MYO16: variants seen among roughly 807,000 people sequenced by gnomAD.
MYO16 encodes the protein unconventional myosin-XVI.
MYO16 carries 94 observed loss-of-function variants against 205.3 expected under a neutral mutation model. The ratio of observed to expected loss-of-function variants is 0.46; its 90% confidence interval spans 0.39 to 0.54. The LOEUF is 0.54. Among genes scored for constraint, MYO16 ranks in the 20% least tolerant of loss-of-function variants. The probability of loss-of-function intolerance (pLI) is 0.00; values close to 1 mark genes in which losing one functional copy is unlikely to be tolerated. For missense variants in MYO16, 2,315 were observed against 2,387.5 expected, an observed-to-expected ratio of 0.97 and a Z score of 0.63; for synonymous variants, 988 against 954.0, an observed-to-expected ratio of 1.04 and a Z score of -0.66.
chr13:108,501,056 G>A, the MYO16 span, among the ~76,000 whole-genome samples: 1 of 152,114 alleles, frequency 6.6e-6, no homozygotes, highest in Non-Finnish European at 1.5e-5. Flanking sequence ...TGTTCAGCTG[G>A]AATCAAATCC....
intron 16 of MYO16, among the ~76,000 whole-genome samples, chr13:108,927,759 C>T (rs557583323): frequency 1.3e-5 from 2 of 152,170 alleles, no homozygotes; most frequent in African/African-American, 2.4e-5. Flanking sequence ...TCAACTAACC[C>T]GAGCCATCAT....
At chr13:108,644,114 T>A (rs1261824215) in intron 1 of MYO16, among the ~76,000 whole-genome samples, 2 of 152,200 alleles carry the variant, frequency 1.3e-5, no homozygotes, top group Non-Finnish European at 2.9e-5. Context: ...ACCTGGCTCT[T>A]GAGTTTCGGA....
intron 9 of MYO16, among the ~76,000 whole-genome samples, chr13:108,832,300 G>A (rs1876665594): frequency 6.6e-6 from 1 of 151,764 alleles, no homozygotes; most frequent in Non-Finnish European, 1.5e-5. Flanking sequence ...GCACCACCGT[G>A]CCCAGCTAAT....
At chr13:109,182,966 T>C (rs2391723) in intron 34 of MYO16, among the ~76,000 whole-genome samples, 76,185 of 152,028 alleles carry the variant, frequency 0.5, 20,044 homozygotes, top group African/African-American at 0.64. Context: ...TGAATAAAAC[T>C]GGCTGTGAGA....
the MYO16 span, among the ~76,000 whole-genome samples, chr13:108,537,973 T>C: frequency 6.6e-5 from 10 of 152,088 alleles, no homozygotes; most frequent in Non-Finnish European, 1.3e-4. Context: ...TGTCTGTTCA[T>C]TCTGTTGCTT....
chr13:109,131,634 A>G (rs187433947), intron 31 of MYO16, among the ~76,000 whole-genome samples: 113 of 152,320 alleles, frequency 7.4e-4, no homozygotes, highest in Non-Finnish European at 1.4e-3. Flanking sequence ...TAAAAGTACT[A>G]TGTTTTTGTT....
In MYO16 at chr13:108,825,471, G is replaced by C. The variant is rs113295746; in HGVS notation, c.1097+2193G>C. ...AAACAGGGCTAACGTCATACTCAAT[G>C]GTGACTGATCAGTTACCCCATAAGA... On this transcript the variant is annotated intron_variant, in intron 9 of 34. Coordinates refer to ENST00000457511, the MANE Select transcript of MYO16 (RefSeq NM_001198950.3). Among the ~76,000 whole-genome samples the C allele has an allele frequency of 3.8e-3, 571 of 151,988 alleles. 3 individuals carry two copies. Among genetic ancestry groups the C allele is most frequent in the South Asian group, 0.023 (113 of 4,822 alleles).
chr13:109,098,897 A>AT (rs1888864534), intron 27 of MYO16, among the ~76,000 whole-genome samples: 1 of 152,240 alleles, frequency 6.6e-6, no homozygotes, highest in South Asian at 2.1e-4. Context: ...TTGAAACTAC[A>AT]TTTTTTTAAT....
Position 108,666,045 on chromosome 13 carries a change from A to G in MYO16, c.188A>G (p.Gln63Arg), listed in dbSNP as rs199520622. 1.3e-4 allele frequency: 206 copies of G among 1,614,194 alleles called. No homozygotes were observed. Among genetic ancestry groups the G allele is most frequent in the Non-Finnish European group, 1.7e-4 (198 of 1,180,014 alleles). ...YYEREKAFQK[Q>R]EGFLKRLKHA... ...GAGCGCGAGAAGGCTTTTCAGAAGC[A>G]GGAAGGGTTCCTGAAAAGGCTGAAG... Residue 63 changes from glutamine (Q) to arginine (R), a missense_variant, in exon 2 of 35, where the codon CAG becomes CGG. Gln to Arg is a conservative substitution (Grantham distance 43, BLOSUM62 1). This residue lies in a region of MYO16 where 1,213 missense variants were observed against 1,274.4 expected (regional missense o/e 0.95). Coordinates refer to ENST00000457511, the MANE Select transcript of MYO16 (RefSeq NM_001198950.3).
At chr13:109,202,892 C>T (rs1880451240) in intron 34 of MYO16, among the ~76,000 whole-genome samples, 1 of 152,060 alleles carries the variant, frequency 6.6e-6, no homozygotes, top group Admixed American at 6.6e-5. Flanking sequence ...GAAATACACC[C>T]AAATACTTAC....
intron 27 of MYO16, among the ~76,000 whole-genome samples, chr13:109,100,313 G>A (rs1888921187): frequency 6.6e-6 from 1 of 152,172 alleles, no homozygotes; most frequent in South Asian, 2.1e-4. Context: ...TGGGGAAGAA[G>A]CGATTCTACC....
At chr13:108,755,737 A>G (rs1206548209) in intron 4 of MYO16, among the ~76,000 whole-genome samples, 1 of 152,174 alleles carries the variant, frequency 6.6e-6, no homozygotes, top group Admixed American at 6.6e-5. Context: ...TATGATTGCC[A>G]ACATATTTTT....
At chr13:108,530,298 G>A in the MYO16 span, among the ~76,000 whole-genome samples, 39 of 152,332 alleles carry the variant, frequency 2.6e-4, no homozygotes, top group Non-Finnish European at 3.1e-4. Flanking sequence ...AGGAGATGTA[G>A]CATTAAGGAT....
chr13:108,879,915 T>G (rs1231728396), intron 12 of MYO16, among the ~76,000 whole-genome samples: 4 of 152,258 alleles, frequency 2.6e-5, no homozygotes, highest in African/African-American at 9.6e-5. Context: ...TTTCTAGTTC[T>G]AGATCCTTGT....
In MYO16 at chr13:108,791,826, G is replaced by A. The variant is rs75952320; in HGVS notation, c.617-1690G>A. On this transcript the variant is annotated intron_variant, in intron 5 of 34. Transcript: ENST00000457511. ...AGCCCACACAGTTTAAATAACTTTC[G>A]CAGAGTCAACCTGAGGAAGGAAACT... is the stretch of plus-strand genomic sequence containing the variant. Among the ~76,000 whole-genome samples, 366 of 152,306 alleles carry A rather than the reference G, an allele frequency of 2.4e-3. 2 individuals carry two copies. The highest frequency in any genetic ancestry group is 7.9e-3 in the African/African-American group (328 of 41,562).
chr13:108,997,389 A>G lies in MYO16; in HGVS notation c.2442+4941A>G, dbSNP rs277809. ...GAGAGAGAGAGAGAGAGAGAGAGAG[A>G]GGGAGGGAGGGAGAGTGGGAGGAAA... On this transcript the variant is annotated intron_variant, in intron 21 of 34. Transcript: ENST00000457511. Among the ~76,000 whole-genome samples, 43 of 69,050 alleles carry G rather than the reference A, an allele frequency of 6.2e-4. 1 individual carries two copies. The highest frequency in any genetic ancestry group is 6.9e-4 in the African/African-American group (12 of 17,320). 45.3% of individuals were successfully genotyped at this position (69,050 alleles called of 152,430 possible). A position where few individuals can be genotyped will look rare whatever the true frequency, so the allele number is the denominator to read the frequency against.
At chr13:109,023,903 A>G (rs1190843038) in intron 23 of MYO16, among the ~76,000 whole-genome samples, 10 of 139,282 alleles carry the variant, frequency 7.2e-5, no homozygotes, top group African/African-American at 7.7e-5. Flanking sequence ...TTTAATCAAT[A>G]CATATATAAG....
intron 1 of MYO16, among the ~76,000 whole-genome samples, chr13:108,611,129 A>G (rs1256740394): frequency 6.6e-6 from 1 of 152,170 alleles, no homozygotes; most frequent in Non-Finnish European, 1.5e-5. Context: ...TATCACTTCA[A>G]AGATTTGAGT....
At chr13:109,157,677 G>T (rs995259896) in intron 32 of MYO16, among the ~76,000 whole-genome samples, 3 of 152,138 alleles carry the variant, frequency 2.0e-5, no homozygotes, top group Non-Finnish European at 4.4e-5. Context: ...AGAGAAGCCT[G>T]GGGAAAAGCA....
Sources: gnomAD v4.1 joint callset for allele counts (sites outside exome capture counted in the v4.1 genomes callset) on GRCh38, gnomAD v4.1.1 for gene constraint, gnomAD v4.1.1 regional missense constraint, MANE v1.5 for transcripts, NCBI Gene and HGNC (gene_info 2026-07-23, HGNC 2026-07-21) for gene names.